SLC35F3: variants seen among roughly 807,000 people sequenced by gnomAD.
The protein encoded by SLC35F3 is solute carrier family 35 member F3, also known as putative thiamine transporter SLC35F3.
A neutral mutation model predicts 49.9 loss-of-function variants in SLC35F3; 25 were observed. The observed-to-expected ratio is 0.50, with a 90% CI of 0.37 to 0.70. The LOEUF is 0.70. Ranked by LOEUF, SLC35F3 falls within the 30% of genes least tolerant of loss-of-function variation. The pLI, the probability that SLC35F3 is intolerant of heterozygous loss-of-function variation, is 0.00. For missense variants in SLC35F3, 525 were observed against 639.8 expected (o/e 0.82, Z 1.94); for synonymous variants, 275 against 265.4 (o/e 1.04, Z -0.35).
intron 4 of SLC35F3, among the ~76,000 whole-genome samples, chr1:234,316,245 G>A (rs999247464): frequency 6.6e-6 from 1 of 152,168 alleles, no homozygotes; most frequent in Non-Finnish European, 1.5e-5. Context: ...GCTTCCCAGG[G>A]ATTATCTACC....
chr1:233,905,168 G>A (rs765145321), intron 1 of SLC35F3, 38 bp downstream of exon 1: 64 of 1,548,712 alleles, frequency 4.1e-5, no homozygotes, highest in Non-Finnish European at 5.2e-5. Context: ...CGAGCCGGCG[G>A]GCGGGAGGCC....
intron 2 of SLC35F3, among the ~76,000 whole-genome samples, chr1:234,042,640 A>G (rs1234674833): frequency 6.6e-6 from 1 of 152,248 alleles, no homozygotes; most frequent in Non-Finnish European, 1.5e-5. Flanking sequence ...CACAGAGGAT[A>G]TGGGAATGAA....
chr1:234,295,521 G>A (rs970433636), intron 3 of SLC35F3, among the ~76,000 whole-genome samples: 16 of 152,156 alleles, frequency 1.1e-4, no homozygotes, highest in Non-Finnish European at 2.4e-4. Context: ...TTGAGAGGGA[G>A]TGCTGCTCGC....
intron 3 of SLC35F3, among the ~76,000 whole-genome samples, chr1:234,233,810 T>C (rs1201459114): frequency 6.6e-6 from 1 of 152,252 alleles, no homozygotes; most frequent in East Asian, 1.9e-4. Context: ...CCAATTTCTG[T>C]CATCACATTC....
At chr1:234,184,974 C>T (rs982626962) in intron 2 of SLC35F3, among the ~76,000 whole-genome samples, 7 of 152,270 alleles carry the variant, frequency 4.6e-5, no homozygotes, top group Middle Eastern at 3.4e-3. Context: ...CCACACACTG[C>T]ATCTGAGAAG....
Position 234,205,573 on chromosome 1 carries a change from T to G in SLC35F3, c.284-25844T>G, listed in dbSNP as rs929044564. Reference sequence around the variant, plus strand: ...CTGGACTCCACTAGGGCTCTGACCTTTCTCTGAAGCCAGTCTGAGGGGCAG... The same window carrying G: ...CTGGACTCCACTAGGGCTCTGACCTGTCTCTGAAGCCAGTCTGAGGGGCAG... On this transcript the variant is annotated intron_variant, in intron 2 of 7. Transcript: ENST00000366618. Among the ~76,000 whole-genome samples, 7 of 152,194 alleles carry G rather than the reference T, an allele frequency of 4.6e-5. No homozygotes were observed. The South Asian group carries it at 1.4e-3, about 31-fold the overall frequency.
At chr1:234,005,760 T>C (rs758413306) in intron 2 of SLC35F3, among the ~76,000 whole-genome samples, 1 of 152,158 alleles carries the variant, frequency 6.6e-6, no homozygotes, top group Non-Finnish European at 1.5e-5. Context: ...TCTTGCCATC[T>C]CTAAAGCCCA....
intron 2 of SLC35F3, among the ~76,000 whole-genome samples, chr1:234,059,390 A>C (rs1664505068): frequency 6.6e-6 from 1 of 150,456 alleles, no homozygotes; most frequent in African/African-American, 2.4e-5. Context: ...ATTTTCATTC[A>C]TCTCAAAGTA....
chr1:233,961,202 C>T (rs1031409737), intron 2 of SLC35F3, among the ~76,000 whole-genome samples: 3 of 152,024 alleles, frequency 2.0e-5, no homozygotes, highest in African/African-American at 4.8e-5. Flanking sequence ...TACGAGTATC[C>T]GCTGAATGCT....
rs1323576097 is a variant in SLC35F3, at chr1:234,027,770, G to A, written c.283+122012G>A. The stretch of plus-strand genomic sequence containing the variant: ...TAGTAAAAATTCACTGGGAGCCTGC[G>A]CCAGTTTAGCACTGGGTATTTAGCA... On this transcript the variant is annotated intron_variant, in intron 2 of 7. Transcript: ENST00000366618. This position sits in a 1 kb window ranked among gnomAD's most constrained non-coding sequence, Gnocchi z 4.1. Among the ~76,000 whole-genome samples, 5 of 152,134 alleles carry A rather than the reference G, an allele frequency of 3.3e-5. No individual in the cohort carries two copies. Among genetic ancestry groups the A allele is most frequent in the East Asian group, 1.9e-4 (1 of 5,188 alleles).
At chr1:234,319,706 TCAAAACAAAA>T (rs59381769) in intron 6 of SLC35F3, among the ~76,000 whole-genome samples, 17 of 151,536 alleles carry the variant, frequency 1.1e-4, no homozygotes, top group East Asian at 3.9e-4. Flanking sequence ...AGACTGTGCC[TCAAAACAAAA>T]CAAAACAAAA....
intron 2 of SLC35F3, among the ~76,000 whole-genome samples, chr1:233,938,540 AG>A: frequency 6.6e-6 from 1 of 152,182 alleles, no homozygotes; most frequent in East Asian, 1.9e-4. Flanking sequence ...GAACAACACA[AG>A]GGTCATTATA....
chr1:234,084,029 G>A (rs1664923021), intron 2 of SLC35F3, among the ~76,000 whole-genome samples: 1 of 151,912 alleles, frequency 6.6e-6, no homozygotes, highest in Admixed American at 6.6e-5. Flanking sequence ...AGTAGAGATG[G>A]GGTTTCTCCA....
chr1:234,027,508 G>A lies in SLC35F3; in HGVS notation c.283+121750G>A, dbSNP rs574238967. Among the ~76,000 whole-genome samples the A allele has an allele frequency of 3.9e-5, 6 of 152,284 alleles. 1 individual carries two copies. Among genetic ancestry groups the A allele is most frequent in the Admixed American group, 2.6e-4 (4 of 15,306 alleles). On this transcript the variant is annotated intron_variant, in intron 2 of 7. Transcript: ENST00000366618. The surrounding 1 kb of genome is among the most constrained non-coding windows in gnomAD (Gnocchi z 4.1). ...ATTAACTTTCAATTTCAGTCCATTC[G>A]GTAGTGGTTTAAAGAATGGAGAGTG...
At chr1:233,930,372 T>C (rs1440003934) in intron 2 of SLC35F3, among the ~76,000 whole-genome samples, 3 of 152,166 alleles carry the variant, frequency 2.0e-5, no homozygotes, top group Admixed American at 6.6e-5. Flanking sequence ...CAAAAATCTT[T>C]TGATTTTCTT....
At chr1:234,074,736 G>C (rs1169588575) in intron 2 of SLC35F3, among the ~76,000 whole-genome samples, 2 of 152,264 alleles carry the variant, frequency 1.3e-5, no homozygotes, top group Non-Finnish European at 2.9e-5. Flanking sequence ...AGAGGGTGGA[G>C]CGGAATTTGT....
intron 2 of SLC35F3, among the ~76,000 whole-genome samples, chr1:234,197,509 A>T (rs183168511): frequency 1.4e-3 from 206 of 152,334 alleles, no homozygotes; most frequent in African/African-American, 4.6e-3. Context: ...GAGTGCTCAT[A>T]AAACATTTAT....
At chr1:233,971,505 A>C (rs1662991804) in intron 2 of SLC35F3, among the ~76,000 whole-genome samples, 1 of 152,164 alleles carries the variant, frequency 6.6e-6, no homozygotes, top group African/African-American at 2.4e-5. Context: ...GTGGATCACA[A>C]GGTCAGGAGT....
intron 2 of SLC35F3, among the ~76,000 whole-genome samples, chr1:233,953,979 A>G (rs1372512557): frequency 6.6e-6 from 1 of 151,412 alleles, no homozygotes; most frequent in African/African-American, 2.4e-5. Flanking sequence ...GATGGGCCGC[A>G]TCTGAACAGA....
Sources: gnomAD v4.1 joint callset for allele counts (sites outside exome capture counted in the v4.1 genomes callset) on GRCh38, gnomAD v4.1.1 for gene constraint, Gnocchi (gnomAD v3.1) non-coding constraint, MANE v1.5 for transcripts, NCBI Gene and HGNC (gene_info 2026-07-23, HGNC 2026-07-21) for gene names.